Variants in KIFAP3 observed in about 807,000 individuals in gnomAD.
KIFAP3 encodes kinesin-associated protein 3.
A neutral mutation model predicts 106.5 loss-of-function variants in KIFAP3; 68 were observed. The observed-to-expected ratio is 0.64, with a 90% CI of 0.53 to 0.78. The LOEUF (loss-of-function observed/expected upper bound fraction) is 0.78. Ranked by LOEUF, KIFAP3 falls within the 30% of genes least tolerant of loss-of-function variation. The pLI, the probability that KIFAP3 is intolerant of heterozygous loss-of-function variation, is 0.00. For synonymous variants in KIFAP3, 320 were observed against 311.5 expected (o/e 1.03, Z -0.29); for missense variants, 780 against 941.8 (o/e 0.83, Z 2.25).
intron 19 of KIFAP3, chr1:169,923,225 T>C (rs915746797): frequency 9.9e-5 from 26 of 262,514 alleles, no homozygotes; most frequent in Non-Finnish European, 1.4e-4. Context: ...AATTTTTAAG[T>C]CTACATTTTA....
At chr1:170,040,540 T>C (rs550858498) in intron 3 of KIFAP3, among the ~76,000 whole-genome samples, 1 of 152,310 alleles carries the variant, frequency 6.6e-6, no homozygotes, top group South Asian at 2.1e-4. Context: ...GATATTTTAT[T>C]CTAAATGCCT....
chr1:170,013,266 G>T (rs1351102185), intron 10 of KIFAP3, among the ~76,000 whole-genome samples: 1 of 151,942 alleles, frequency 6.6e-6, no homozygotes, highest in African/African-American at 2.4e-5. Flanking sequence ...AACTGTGTAT[G>T]AAATGATTAA....
chr1:170,026,341 C>T (rs1295252370), intron 8 of KIFAP3, among the ~76,000 whole-genome samples: 1 of 152,112 alleles, frequency 6.6e-6, no homozygotes, highest in East Asian at 1.9e-4. Flanking sequence ...CTTTGCCTGA[C>T]AACACCACAA....
At chr1:170,067,169 G>T (rs1053073782) in intron 1 of KIFAP3, among the ~76,000 whole-genome samples, 1 of 152,062 alleles carries the variant, frequency 6.6e-6, no homozygotes, top group Non-Finnish European at 1.5e-5. Flanking sequence ...GAGACAAAAA[G>T]ATGTAAAACA....
chr1:170,041,701 C>T, intron 3 of KIFAP3: 3 of 1,535,236 alleles, frequency 2.0e-6, no homozygotes, highest in African/African-American at 2.7e-5. Flanking sequence ...GCTTGGAGTA[C>T]AGAAACAGTT....
chr1:170,027,282 A>G (rs890676139), intron 8 of KIFAP3, among the ~76,000 whole-genome samples: 1 of 152,128 alleles, frequency 6.6e-6, no homozygotes, highest in East Asian at 1.9e-4. Context: ...GGCCTCCCAA[A>G]GTGCTGGGAT....
At chr1:169,976,283 A>G (rs1266053272) in intron 16 of KIFAP3, among the ~76,000 whole-genome samples, 1 of 152,172 alleles carries the variant, frequency 6.6e-6, no homozygotes, top group African/African-American at 2.4e-5. Flanking sequence ...ATAGTTATGT[A>G]AATTTTAAGT....
rs754614363 is a variant in KIFAP3 at position 169,996,095 on chromosome 1, G to A, written c.1184-3840C>T. 8.6e-5 allele frequency among the ~76,000 whole-genome samples: 13 copies of A among 151,998 alleles called. No individual in the cohort carries two copies. The East Asian group carries it at 9.6e-4, about 11-fold the overall frequency. ...TTAATTTTATATAGTGAAACTAAACGTCTAATTTCCAAAAGTAGGATGATT... is the reference window on the plus strand; with the variant it reads ...TTAATTTTATATAGTGAAACTAAACATCTAATTTCCAAAAGTAGGATGATT... On this transcript the variant is annotated intron_variant, in intron 10 of 19. Transcript: ENST00000361580.
At chr1:170,075,289 C>T (rs1431625039), upstream of KIFAP3, among the ~76,000 whole-genome samples, 1 of 152,170 alleles carries the variant, frequency 6.6e-6, no homozygotes. Flanking sequence ...ACTGCATGTT[C>T]TCTGGTTTAA....
chr1:170,016,407 TC>T, intron 10 of KIFAP3, 54 bp downstream of exon 10: 1 of 1,439,098 alleles, frequency 6.9e-7, no homozygotes, highest in Non-Finnish European at 9.6e-7. Flanking sequence ...AGCTCAATTT[TC>T]CAGCGATGTT....
chr1:169,997,819 G>A (rs1010469080), intron 10 of KIFAP3, among the ~76,000 whole-genome samples: 7 of 140,188 alleles, frequency 5.0e-5, no homozygotes, highest in Admixed American at 2.3e-4. Flanking sequence ...GCAGTGAGCC[G>A]AGATCGTACC....
intron 18 of KIFAP3, among the ~76,000 whole-genome samples, chr1:169,959,604 C>A (rs1195978726): frequency 2.0e-5 from 3 of 152,072 alleles, no homozygotes; most frequent in Non-Finnish European, 4.4e-5. Context: ...TGTGGTATAA[C>A]TGTTTAGAAA....
At chr1:169,926,310 T>G (rs949148775) in intron 19 of KIFAP3, among the ~76,000 whole-genome samples, 7 of 152,236 alleles carry the variant, frequency 4.6e-5, no homozygotes, top group African/African-American at 1.4e-4. Context: ...AACCCTTGTT[T>G]ATTCAAGCCT....
At chr1:169,974,145 G>A (rs476269) in intron 16 of KIFAP3, among the ~76,000 whole-genome samples, 37,082 of 151,636 alleles carry the variant, frequency 0.24, 4,879 homozygotes, top group Non-Finnish European at 0.3. Flanking sequence ...AAAATGGGAT[G>A]TATAATCACA....
intron 18 of KIFAP3, among the ~76,000 whole-genome samples, chr1:169,957,602 C>T (rs1665094396): frequency 6.6e-6 from 1 of 152,110 alleles, no homozygotes; most frequent in African/African-American, 2.4e-5. Flanking sequence ...ATCATATACT[C>T]TTACTGAAAT....
At chr1:170,082,770 C>T (rs1422182599) in intron 1 of KIFAP3, among the ~76,000 whole-genome samples, 4 of 151,780 alleles carry the variant, frequency 2.6e-5, no homozygotes, top group Non-Finnish European at 4.4e-5. Context: ...GTCAGGAGTT[C>T]GAGACTAGCC....
rs144868797 is a variant in KIFAP3, at chr1:169,921,762, C to T, written c.2293G>A (p.Gly765Ser). 139 of 1,613,354 alleles carry T rather than the reference C, an allele frequency of 8.6e-5. No individual in the cohort carries two copies. The African/African-American group carries it at 1.5e-3, about 18-fold the overall frequency. The change falls in exon 20 of 20, where the codon GGC becomes AGC. Residue 765 changes from glycine (G) to serine (S), a missense_variant. By Grantham distance (56) the Gly-to-Ser change is moderately conservative. Coordinates refer to ENST00000361580, the MANE Select transcript of KIFAP3 (RefSeq NM_014970.4). The part of the protein sequence containing the change: ...FPGSLGMDGF[G>S]QPVGILGRPA... ...CGTCCAAGAATGCCAACTGGTTGGC[C>T]AAAGCCATCCATTCCAAGGCTAAAA...
At chr1:170,077,710 G>T (rs532918812), upstream of KIFAP3, among the ~76,000 whole-genome samples, 1 of 152,050 alleles carries the variant, frequency 6.6e-6, no homozygotes, top group African/African-American at 2.4e-5. Context: ...CTTTGGAGTC[G>T]CCTTATCCCC....
chr1:170,021,115 C>G (rs1229104030), intron 9 of KIFAP3, among the ~76,000 whole-genome samples: 1 of 152,046 alleles, frequency 6.6e-6, no homozygotes, highest in African/African-American at 2.4e-5. Context: ...AGGAAGAACT[C>G]TCAAAAGTTA....
Sources: allele counts gnomAD v4.1 joint callset (sites outside exome capture counted in the v4.1 genomes callset), GRCh38; gene constraint gnomAD v4.1.1; transcripts MANE v1.5; gene names NCBI Gene and HGNC (gene_info 2026-07-23, HGNC 2026-07-21).